KCNQ3: variants seen among roughly 807,000 people sequenced by gnomAD.
KCNQ3 encodes the protein potassium voltage-gated channel subfamily Q member 3, also known as potassium voltage-gated channel subfamily KQT member 3.
In KCNQ3, 30 loss-of-function variants were observed where a neutral mutation model predicts 92.5. That is an observed-to-expected ratio of 0.32 (90% confidence interval 0.24 to 0.44). The LOEUF is 0.44. KCNQ3 is among the 20% of genes least tolerant of loss of function. The pLI, the probability that KCNQ3 is intolerant of heterozygous loss-of-function variation, is 1.00. For synonymous variants in KCNQ3, 450 were observed against 468.8 expected (o/e 0.96, Z 0.52); for missense variants, 913 against 1,140.3 (o/e 0.80, Z 2.87).
At chr8:132,192,212 G>C (rs1827181894) in intron 1 of KCNQ3, among the ~76,000 whole-genome samples, 1 of 152,218 alleles carries the variant, frequency 6.6e-6, no homozygotes, top group African/African-American at 2.4e-5. Context: ...GGGCAGCAGA[G>C]GCCCGGCGTA....
chr8:132,181,531 C>T (rs576634798), intron 3 of KCNQ3, among the ~76,000 whole-genome samples: 2 of 152,230 alleles, frequency 1.3e-5, no homozygotes, highest in South Asian at 2.1e-4. Context: ...AATATTTTGA[C>T]CACGGAACTA....
At chr8:132,284,376 A>G (rs1419454556) in intron 1 of KCNQ3, among the ~76,000 whole-genome samples, 1 of 152,204 alleles carries the variant, frequency 6.6e-6, no homozygotes, top group East Asian at 1.9e-4. Context: ...TTGATTCAAT[A>G]ATGACCATTT....
chr8:132,149,713 G>C (rs1198065041), intron 9 of KCNQ3, among the ~76,000 whole-genome samples: 1 of 152,170 alleles, frequency 6.6e-6, no homozygotes, highest in Non-Finnish European at 1.5e-5. Flanking sequence ...GGGCCAGGCA[G>C]CTGCCTGTCC....
At chr8:132,235,278 G>GA (rs1025212583) in intron 1 of KCNQ3, among the ~76,000 whole-genome samples, 8 of 151,976 alleles carry the variant, frequency 5.3e-5, no homozygotes, top group Admixed American at 1.3e-4. Context: ...GGTGGGGGGG[G>GA]AATCACCTGA....
intron 1 of KCNQ3, among the ~76,000 whole-genome samples, chr8:132,407,768 C>G (rs1374318674): frequency 6.6e-6 from 1 of 152,204 alleles, no homozygotes; most frequent in Non-Finnish European, 1.5e-5. Context: ...CTTCCTGGTG[C>G]TGCCTCCCCA....
chr8:132,379,811 T>C (rs907452588), intron 1 of KCNQ3, among the ~76,000 whole-genome samples: 8 of 152,086 alleles, frequency 5.3e-5, no homozygotes, highest in African/African-American at 1.9e-4. Flanking sequence ...AAGTATTTGC[T>C]AGTTGCTATT....
intron 1 of KCNQ3, among the ~76,000 whole-genome samples, chr8:132,389,357 T>C (rs1312008463): frequency 2.0e-5 from 3 of 152,188 alleles, no homozygotes; most frequent in Non-Finnish European, 2.9e-5. Flanking sequence ...CTTGGGAGGC[T>C]GAGGCAGGAG....
At chr8:132,373,023 G>A (rs1333618163) in intron 1 of KCNQ3, among the ~76,000 whole-genome samples, 1 of 152,160 alleles carries the variant, frequency 6.6e-6, no homozygotes. Context: ...TCACAGAATT[G>A]CCATGGCCTC....
rs146570415 is a variant in KCNQ3, at chr8:132,127,462, A to C, written c.*1800T>G. The C allele has an allele frequency of 6.6e-6, 1 of 152,132 alleles. No homozygotes were observed. The highest frequency in any genetic ancestry group is 1.5e-5 in the Non-Finnish European group (1 of 68,010). The allele number at this position is 152,132 out of a possible 1,614,324, so 9.4% of individuals were successfully genotyped here. A position where few individuals can be genotyped will look rare whatever the true frequency, so the allele number is the denominator to read the frequency against. Reference sequence around the variant, plus strand: ...TTGACATGTGAGTTGAAAGGAACCTATCTCTGAGGAAGTGATTCCTCTCTC... The same window carrying C: ...TTGACATGTGAGTTGAAAGGAACCTCTCTCTGAGGAAGTGATTCCTCTCTC... On this transcript the variant is annotated 3_prime_UTR_variant, in exon 15 of 15. Coordinates refer to ENST00000388996, the MANE Select transcript of KCNQ3 (RefSeq NM_004519.4).
At chr8:132,328,530 G>A (rs1055051353) in intron 1 of KCNQ3, among the ~76,000 whole-genome samples, 8 of 152,068 alleles carry the variant, frequency 5.3e-5, no homozygotes, top group Non-Finnish European at 1.2e-4. Flanking sequence ...TTGAGCTGGC[G>A]CAAGTGATTT....
intron 1 of KCNQ3, among the ~76,000 whole-genome samples, chr8:132,299,291 G>A (rs181091822): frequency 1.4e-3 from 214 of 152,060 alleles, no homozygotes; most frequent in East Asian, 1.4e-3. Flanking sequence ...GCAGATACAA[G>A]AAAATATGCA....
At chr8:132,382,558 T>A (rs905469574) in intron 1 of KCNQ3, among the ~76,000 whole-genome samples, 2 of 152,192 alleles carry the variant, frequency 1.3e-5, no homozygotes, top group Non-Finnish European at 2.9e-5. Context: ...GGTATTAATT[T>A]ATAGCAACAC....
intron 1 of KCNQ3, among the ~76,000 whole-genome samples, chr8:132,228,497 T>TA (rs1324004637): frequency 6.6e-6 from 1 of 152,182 alleles, no homozygotes; most frequent in African/African-American, 2.4e-5. Flanking sequence ...ATTTGGTACC[T>TA]ACTTCAGAGA....
Position 132,431,900 on chromosome 8 carries a change from G to C in KCNQ3, c.386+48247C>G, listed in dbSNP as rs1379086504. ...TCTTTCCATCCATGATCTTTGACTG[G>C]GTCCGGGGGCCTGGATTCACACCTC... On this transcript the variant is annotated intron_variant, in intron 1 of 14. Coordinates refer to ENST00000388996, the MANE Select transcript of KCNQ3 (RefSeq NM_004519.4). Among the ~76,000 whole-genome samples, 3 of 152,078 alleles carry C rather than the reference G, an allele frequency of 2.0e-5. No homozygotes were observed. The South Asian group carries it at 6.2e-4, about 32-fold the overall frequency.
chr8:132,294,008 T>TC (rs1235066444), intron 1 of KCNQ3, among the ~76,000 whole-genome samples: 2 of 146,944 alleles, frequency 1.4e-5, no homozygotes, highest in African/African-American at 5.0e-5. Context: ...TGGTTTTTTT[T>TC]TTTTTTTTTT....
At chr8:132,232,253 A>G (rs769056006) in intron 1 of KCNQ3, among the ~76,000 whole-genome samples, 1 of 152,146 alleles carries the variant, frequency 6.6e-6, no homozygotes, top group Non-Finnish European at 1.5e-5. Flanking sequence ...GGGCACATAG[A>G]TCACCAAGGG....
chr8:132,458,524 G>A (rs112691232), intron 1 of KCNQ3, among the ~76,000 whole-genome samples: 4,538 of 152,240 alleles, frequency 0.03, 75 homozygotes, highest in African/African-American at 0.053. Flanking sequence ...GCACAATCAC[G>A]GCTCATCGCA....
chr8:132,240,958 G>A (rs544755324), intron 1 of KCNQ3, among the ~76,000 whole-genome samples: 1 of 151,244 alleles, frequency 6.6e-6, no homozygotes, highest in East Asian at 2.0e-4. Flanking sequence ...GCTCGAACTT[G>A]GCTCACTGCA....
At chr8:132,470,114 T>A (rs536435932) in intron 1 of KCNQ3, among the ~76,000 whole-genome samples, 1 of 152,018 alleles carries the variant, frequency 6.6e-6, no homozygotes, top group Non-Finnish European at 1.5e-5. Context: ...TATGCTCATC[T>A]CCCTCAACAG....
Sources: gnomAD v4.1 joint callset for allele counts (sites outside exome capture counted in the v4.1 genomes callset) on GRCh38, gnomAD v4.1.1 for gene constraint, MANE v1.5 for transcripts, NCBI Gene and HGNC (gene_info 2026-07-23, HGNC 2026-07-21) for gene names.